FLNB: variants seen among roughly 807,000 people sequenced by gnomAD.
FLNB encodes the protein filamin-B.
A neutral mutation model predicts 250.6 loss-of-function variants in FLNB; 111 were observed. The observed-to-expected ratio is 0.44, with a 90% CI of 0.38 to 0.52. FLNB has a LOEUF of 0.52. Among genes scored for constraint, FLNB ranks in the 20% least tolerant of loss-of-function variants. The probability of loss-of-function intolerance (pLI) is 0.00; values close to 1 mark genes in which losing one functional copy is unlikely to be tolerated. For synonymous variants in FLNB, 1,302 were observed against 1,372.1 expected, an observed-to-expected ratio of 0.95 and a Z score of 1.13; for missense variants, 2,869 against 3,447.8, an observed-to-expected ratio of 0.83 and a Z score of 4.20.
rs375302117 is a variant in FLNB at position 58,144,961 on chromosome 3, T to C, written c.5426-960T>C. On this transcript the variant is annotated intron_variant, in intron 32 of 45. Transcript: ENST00000295956. The stretch of plus-strand genomic sequence containing the variant: ...TATTTGGTTATTGGCCTTTGTCATA[T>C]AGTTTCTAAGAGCAATGTAAACATT... Among the ~76,000 whole-genome samples, 46 of 152,378 alleles carry C rather than the reference T, an allele frequency of 3.0e-4. No homozygotes were observed. The South Asian group carries it at 4.1e-3, about 14-fold the overall frequency.
At chr3:58,064,272 C>T (rs1173997223) in intron 1 of FLNB, among the ~76,000 whole-genome samples, 1 of 152,154 alleles carries the variant, frequency 6.6e-6, no homozygotes, top group African/African-American at 2.4e-5. Flanking sequence ...TCCCAAATAG[C>T]TGGAACTACA....
intron 5 of FLNB, among the ~76,000 whole-genome samples, chr3:58,095,260 GAC>G (rs1384059911): frequency 1.4e-5 from 1 of 69,802 alleles, no homozygotes; most frequent in East Asian, 8.9e-3. Flanking sequence ...TATTTATTGA[GAC>G]AGAGTTTCAC....
rs762699889 is a variant in FLNB, at chr3:58,102,254, G to C, written c.1397G>C (p.Gly466Ala). Residue 466 changes from glycine (G) to alanine (A), a missense_variant, in exon 9 of 46, where the codon GGC becomes GCC. Physicochemically the swap from Gly to Ala is moderately conservative, Grantham distance 60. Coordinates refer to ENST00000295956, the MANE Select transcript of FLNB (RefSeq NM_001457.4). The stretch of plus-strand genomic sequence containing the variant: ...AGTGGCCGAGGCCTACAACCCAAAG[G>C]CGTCCGTATCCGGGAGACCACAGAT... ...RASGRGLQPKGVRIRETTDFK... is the reference protein window; with the variant it reads ...RASGRGLQPKAVRIRETTDFK... 2 of 1,614,238 alleles carry C rather than the reference G, an allele frequency of 1.2e-6. No individual in the cohort carries two copies. The highest frequency in any genetic ancestry group is 1.7e-6 in the Non-Finnish European group (2 of 1,180,040).
chr3:58,135,972 T>C lies in FLNB; in HGVS notation c.4672-7T>C, dbSNP rs1457614625. 6 of 1,613,808 alleles carry C rather than the reference T, an allele frequency of 3.7e-6. No homozygotes were observed. The highest frequency in any genetic ancestry group is 5.1e-6 in the Non-Finnish European group (6 of 1,179,884). On this transcript the variant is annotated splice_region_variant and splice_polypyrimidine_tract_variant and intron_variant, in intron 27 of 45. Transcript: ENST00000295956. ...CATCCTAAATAGCATTTCTCTATGATCCACAGGACCAAGAAGGAAAACCCA... is the reference window on the plus strand; with the variant it reads ...CATCCTAAATAGCATTTCTCTATGACCCACAGGACCAAGAAGGAAAACCCA...
intron 1 of FLNB, among the ~76,000 whole-genome samples, chr3:58,045,672 G>T (rs910354099): frequency 2.0e-5 from 3 of 152,104 alleles, no homozygotes; most frequent in African/African-American, 7.2e-5. Context: ...GCTCACGAAA[G>T]TTCAATAACT....
intron 2 of FLNB, 132 bp from the exon 3 acceptor site, chr3:58,078,585 T>C (rs1378345195): frequency 2.0e-6 from 3 of 1,523,312 alleles, no homozygotes; most frequent in Non-Finnish European, 2.6e-6. Flanking sequence ...ATTAAATATA[T>C]GATTTGCTCA....
intron 43 of FLNB, 50 bp from the exon 44 acceptor site, chr3:58,168,390 G>C (rs760721367): frequency 3.5e-5 from 51 of 1,448,980 alleles, no homozygotes; most frequent in Non-Finnish European, 4.8e-5. Context: ...AGTGCTCCCA[G>C]GAAAGCCCTC....
At position 58,142,043 on chromosome 3, in the gene FLNB, G is replaced by A; in HGVS notation, c.5181+114G>A. On this transcript the variant is annotated intron_variant, in intron 30 of 45. Transcript: ENST00000295956. This position sits in a 1 kb window ranked among gnomAD's most constrained non-coding sequence, Gnocchi z 4.3. The stretch of plus-strand genomic sequence containing the variant: ...AGCCCTGTGGGTGTCCTGGTCATTG[G>A]TGTGCCCCTCACTGATCAGCCCATC... 3 of 857,150 alleles carry A rather than the reference G, an allele frequency of 3.5e-6. No individual in the cohort carries two copies. The highest frequency in any genetic ancestry group is 6.0e-6 in the Non-Finnish European group (3 of 502,048). The allele number at this position is 857,150 out of a possible 1,614,324, so 53.1% of individuals were successfully genotyped here. A position where few individuals can be genotyped will look rare whatever the true frequency, so the allele number is the denominator to read the frequency against.
intron 1 of FLNB, among the ~76,000 whole-genome samples, chr3:58,036,967 C>G (rs1351630204): frequency 1.3e-5 from 2 of 152,102 alleles, no homozygotes; most frequent in Non-Finnish European, 1.5e-5. Context: ...TCAAATAGCA[C>G]CCCGGCTATA....
rs1393783976 is a variant in FLNB, at chr3:58,124,509, A to G, written c.3898+4A>G. 2 of 1,614,118 alleles carry G rather than the reference A, an allele frequency of 1.2e-6. No homozygotes were observed. The highest frequency in any genetic ancestry group is 4.5e-5 in the East Asian group (2 of 44,884). ...GAATACACACCCTTTGAGAAAGGTG[A>G]GCCGCCCTGTCCTCGGACTGGACCC... On this transcript the variant is annotated splice_donor_region_variant and intron_variant, in intron 22 of 45. Coordinates refer to ENST00000295956, the MANE Select transcript of FLNB (RefSeq NM_001457.4).
At chr3:58,109,895 G>A in intron 15 of FLNB, 115 bp from the exon 16 acceptor site, 2 of 1,460,656 alleles carry the variant, frequency 1.4e-6, no homozygotes, top group Admixed American at 1.7e-5. Flanking sequence ...TCTTTCTCAG[G>A]TTTCTTACTA....
At chr3:58,043,752 G>A (rs961175141) in intron 1 of FLNB, among the ~76,000 whole-genome samples, 2 of 152,180 alleles carry the variant, frequency 1.3e-5, no homozygotes, top group Non-Finnish European at 2.9e-5. Context: ...TACAAGTCCA[G>A]GATTTGCTAT....
At position 58,121,485 on chromosome 3, in the gene FLNB, G is replaced by A. The variant is rs2097288698; in HGVS notation, c.3108G>A (p.Leu1036=). 5.0e-6 allele frequency: 8 copies of A among 1,613,982 alleles called. No homozygotes were observed. Among genetic ancestry groups the A allele is most frequent in the African/African-American group, 1.3e-5 (1 of 75,026 alleles). The change falls in exon 20 of 46, where the codon CTG becomes CTA. Residue 1036 remains leucine (L), a synonymous_variant. Coordinates refer to ENST00000295956, the MANE Select transcript of FLNB (RefSeq NM_001457.4). ...GCCCCTACACAGTGGAGGCCTCGCT[G>A]CCACCAGATCCCAGCAAGGTCAGCC... ...PGSPYTVEAS[L]PPDPSKVKAH...
In FLNB at chr3:58,110,095, C is replaced by T; in HGVS notation, c.2409C>T (p.Ala803=). 6.2e-7 allele frequency: 1 copy of T among 1,614,104 alleles called. No individual in the cohort carries two copies. Among genetic ancestry groups the T allele is most frequent in the South Asian group, 1.1e-5 (1 of 91,086 alleles). Residue 803 remains alanine (A), a synonymous_variant, in exon 16 of 46, where the codon GCC becomes GCT. Transcript: ENST00000295956. ...EDVDFDIIHN[A]NDTFTVKYVP... ...TGGATTTTGACATTATTCACAATGC[C>T]AATGATACGTTCACAGTCAAATATG...
chr3:58,047,613 G>A (rs909044133), intron 1 of FLNB, among the ~76,000 whole-genome samples: 2 of 150,586 alleles, frequency 1.3e-5, no homozygotes, highest in South Asian at 2.1e-4. Flanking sequence ...TGGCTCTGTC[G>A]CCCAGGCTGT....
At position 58,035,460 on chromosome 3, in the gene FLNB, G is replaced by T. The variant is rs570726501; in HGVS notation, c.292+26604G>T. Among the ~76,000 whole-genome samples, 3 of 152,228 alleles carry T rather than the reference G, an allele frequency of 2.0e-5. No homozygotes were observed. The East Asian group carries it at 5.8e-4, about 29-fold the overall frequency. On this transcript the variant is annotated intron_variant, in intron 1 of 45. Transcript: ENST00000295956. ...ACTTGAGGGATTTCCATCTGAAGAG[G>T]GGGCAGAATGGTGGTTTAGGGAACG...
intron 24 of FLNB, among the ~76,000 whole-genome samples, chr3:58,129,864 C>T (rs1454817528): frequency 1.3e-5 from 2 of 152,160 alleles, no homozygotes; most frequent in Admixed American, 6.5e-5. Context: ...GGGAGGTCCC[C>T]CTCCACAGTG....
In FLNB at chr3:58,109,168, C is replaced by CT; in HGVS notation, c.2056-5dup. The CT allele has an allele frequency of 6.2e-7, 1 of 1,614,130 alleles. No individual in the cohort carries two copies. Among genetic ancestry groups the CT allele is most frequent in the Non-Finnish European group, 8.5e-7 (1 of 1,179,994 alleles). ...GGGCCACCTCTGGTCCTAGCTCTGGCTTTTTTGCAGGATGGGGAAGGCCAA... is the reference window on the plus strand; with the variant it reads ...GGGCCACCTCTGGTCCTAGCTCTGGCTTTTTTTGCAGGATGGGGAAGGCCAA... On this transcript the variant is annotated splice_polypyrimidine_tract_variant and intron_variant, in intron 13 of 45. Coordinates refer to ENST00000295956, the MANE Select transcript of FLNB (RefSeq NM_001457.4).
intron 11 of FLNB, among the ~76,000 whole-genome samples, chr3:58,106,410 C>T (rs1368782208): frequency 4.8e-5 from 7 of 146,234 alleles, no homozygotes; most frequent in Non-Finnish European, 9.0e-5. Flanking sequence ...CCTGCCTCGG[C>T]CCTCCCAAAG....
Sources: allele counts gnomAD v4.1 joint callset (sites outside exome capture counted in the v4.1 genomes callset), GRCh38; gene constraint gnomAD v4.1.1; non-coding constraint Gnocchi (gnomAD v3.1); transcripts MANE v1.5; gene names NCBI Gene and HGNC (gene_info 2026-07-23, HGNC 2026-07-21).